Variants in MACROD2 observed in about 807,000 individuals in gnomAD.
MACROD2 encodes mono-ADP ribosylhydrolase 2.
In MACROD2, 36 loss-of-function variants were observed where a neutral mutation model predicts 70.4. The ratio of observed to expected loss-of-function variants is 0.51; its 90% CI spans 0.39 to 0.68. MACROD2 has a LOEUF of 0.68. Ranked by LOEUF, MACROD2 falls within the 30% of genes least tolerant of loss-of-function variation. The probability of loss-of-function intolerance (pLI) is 0.00; values close to 1 mark genes in which losing one functional copy is unlikely to be tolerated. For missense variants in MACROD2, 496 were observed against 538.4 expected, an observed-to-expected ratio of 0.92 and a Z score of 0.78; for synonymous variants, 172 against 178.8, an observed-to-expected ratio of 0.96 and a Z score of 0.30.
At chr20:14,827,302 G>T (rs186689993) in intron 5 of MACROD2, among the ~76,000 whole-genome samples, 1 of 152,038 alleles carries the variant, frequency 6.6e-6, no homozygotes. Context: ...CTTTCACAGC[G>T]ACCGCATTAA....
At chr20:14,806,360 C>A (rs1568806342) in intron 5 of MACROD2, among the ~76,000 whole-genome samples, 1 of 152,044 alleles carries the variant, frequency 6.6e-6, no homozygotes, top group Non-Finnish European at 1.5e-5. Context: ...GGTTGGGGAA[C>A]TCTCTCCTCT....
intron 3 of MACROD2, among the ~76,000 whole-genome samples, chr20:14,391,503 A>C (rs947700436): frequency 2.6e-5 from 4 of 152,086 alleles, no homozygotes; most frequent in African/African-American, 9.7e-5. Context: ...AGGATCAGGA[A>C]AAATAACTAA....
chr20:15,850,832 C>T (rs1439421943), intron 8 of MACROD2, among the ~76,000 whole-genome samples: 2 of 152,154 alleles, frequency 1.3e-5, no homozygotes, highest in Non-Finnish European at 2.9e-5. Flanking sequence ...GTTGCTGTCA[C>T]TTTGTTAGGG....
Position 15,268,377 on chromosome 20 carries a change from C to T in MACROD2, c.540+38316C>T, listed in dbSNP as rs7261329. ...TATTTAAAAATAGATTGAGGGCCAG[C>T]GCAGTGGCTCACGCCTGTAATCCCA... On this transcript the variant is annotated intron_variant, in intron 6 of 17. Coordinates refer to ENST00000684519, the MANE Select transcript of MACROD2 (RefSeq NM_001351661.2). Among the ~76,000 whole-genome samples the T allele has an allele frequency of 4.3e-3, 660 of 152,308 alleles. 5 individuals are homozygous for T. Among genetic ancestry groups the T allele is most frequent in the African/African-American group, 0.015 (626 of 41,558 alleles).
intron 5 of MACROD2, among the ~76,000 whole-genome samples, chr20:15,055,447 T>G (rs2075476763): frequency 6.6e-6 from 1 of 152,170 alleles, no homozygotes; most frequent in Non-Finnish European, 1.5e-5. Context: ...TGAGTGAGAT[T>G]ATTGTCTCTG....
At chr20:14,992,017 G>A (rs1419473210) in intron 5 of MACROD2, among the ~76,000 whole-genome samples, 5 of 152,158 alleles carry the variant, frequency 3.3e-5, no homozygotes, top group African/African-American at 1.2e-4. Context: ...GTGGTGGGAG[G>A]AGAGGATAGA....
intron 4 of MACROD2, among the ~76,000 whole-genome samples, chr20:14,657,089 C>G (rs1986012925): frequency 6.6e-6 from 1 of 152,094 alleles, no homozygotes; most frequent in Non-Finnish European, 1.5e-5. Context: ...TTATTTCATA[C>G]ATTTGTGCTT....
intron 8 of MACROD2, among the ~76,000 whole-genome samples, chr20:15,531,027 G>A (rs2047791978): frequency 6.8e-6 from 1 of 146,834 alleles, no homozygotes; most frequent in South Asian, 2.1e-4. Flanking sequence ...CAAATTGCTG[G>A]AGTTGTACAT....
At chr20:14,608,028 G>A (rs569333825) in intron 4 of MACROD2, among the ~76,000 whole-genome samples, 72 of 152,204 alleles carry the variant, frequency 4.7e-4, no homozygotes, top group Non-Finnish European at 2.1e-4. Flanking sequence ...CGAGGTGGGT[G>A]GATCACCTGA....
At chr20:14,853,726 TC>T (rs1315148003) in intron 5 of MACROD2, among the ~76,000 whole-genome samples, 1 of 152,168 alleles carries the variant, frequency 6.6e-6, no homozygotes, top group Non-Finnish European at 1.5e-5. Context: ...AGAAGTGAGT[TC>T]CTGGAAGCAC....
At position 15,203,928 on chromosome 20, in the gene MACROD2, G is replaced by T. The variant is rs1197589780; in HGVS notation, c.419-26012G>T. 3.3e-5 allele frequency among the ~76,000 whole-genome samples: 5 copies of T among 151,976 alleles called. No homozygotes were observed. The East Asian group carries it at 7.7e-4, about 23-fold the overall frequency. ...GATATTCATTGATTCTGATGTAGGT[G>T]GTGTATAAGTGACTACGTTTGTGTG... On this transcript the variant is annotated intron_variant, in intron 5 of 17. Transcript: ENST00000684519.
chr20:15,501,234 C>T (rs1309441181), intron 8 of MACROD2, among the ~76,000 whole-genome samples: 1 of 152,236 alleles, frequency 6.6e-6, no homozygotes, highest in Non-Finnish European at 1.5e-5. Context: ...CCTGGATTAA[C>T]TGCTTTGCAA....
chr20:14,030,329 T>C (rs1231021246), intron 2 of MACROD2, among the ~76,000 whole-genome samples: 1 of 152,176 alleles, frequency 6.6e-6, no homozygotes, highest in African/African-American at 2.4e-5. Flanking sequence ...TGAGTTACTG[T>C]GCCCAGCCTA....
At chr20:14,532,890 C>CT (rs1192778276) in intron 4 of MACROD2, among the ~76,000 whole-genome samples, 1 of 152,074 alleles carries the variant, frequency 6.6e-6, no homozygotes, top group Non-Finnish European at 1.5e-5. Flanking sequence ...GCGTGCTGAG[C>CT]TTTTTGTGTC....
intron 4 of MACROD2, among the ~76,000 whole-genome samples, chr20:14,596,027 T>C (rs1472482976): frequency 6.6e-6 from 1 of 152,118 alleles, no homozygotes; most frequent in Non-Finnish European, 1.5e-5. Context: ...AGTGGATCTT[T>C]TTGGCTTTCC....
intron 5 of MACROD2, among the ~76,000 whole-genome samples, chr20:14,937,549 A>G (rs2074351249): frequency 6.6e-6 from 1 of 152,130 alleles, no homozygotes; most frequent in Non-Finnish European, 1.5e-5. Flanking sequence ...TCCAGGCAAT[A>G]ATAATGAGGT....
chr20:15,806,957 G>T (rs1174694135), intron 8 of MACROD2, among the ~76,000 whole-genome samples: 2 of 152,162 alleles, frequency 1.3e-5, no homozygotes, highest in Admixed American at 6.5e-5. Context: ...CTAGAAATGA[G>T]CCAAAGATGT....
chr20:15,891,270 G>A (rs1029280063), intron 10 of MACROD2, among the ~76,000 whole-genome samples: 11 of 152,184 alleles, frequency 7.2e-5, no homozygotes, highest in African/African-American at 2.7e-4. Context: ...AACCAGCCTA[G>A]CAGTGATTGA....
chr20:14,261,162 A>T (rs2082098083), intron 3 of MACROD2, among the ~76,000 whole-genome samples: 1 of 152,212 alleles, frequency 6.6e-6, no homozygotes, highest in Non-Finnish European at 1.5e-5. Flanking sequence ...GTGATCAGAA[A>T]ATACTGAGGT....
Sources: gnomAD v4.1 joint callset for allele counts (sites outside exome capture counted in the v4.1 genomes callset) on GRCh38, gnomAD v4.1.1 for gene constraint, MANE v1.5 for transcripts, NCBI Gene and HGNC (gene_info 2026-07-23, HGNC 2026-07-21) for gene names.